The following EYA1 variants were observed in gnomAD, a reference collection of about 807,000 sequenced individuals.
The protein encoded by EYA1 is protein phosphatase EYA1.
Under a neutral mutation model 82.0 loss-of-function variants are expected in EYA1, and 16 were observed. The observed-to-expected ratio is 0.20, with a 90% CI of 0.13 to 0.30. The LOEUF (loss-of-function observed/expected upper bound fraction) is 0.30, where lower values mean the gene tolerates loss of function less well. Among genes scored for constraint, EYA1 ranks in the 10% least tolerant of loss-of-function variants. The probability of loss-of-function intolerance (pLI) is 1.00; values close to 1 mark genes in which losing one functional copy is unlikely to be tolerated. For synonymous variants in EYA1, 261 were observed against 264.4 expected (o/e 0.99, Z 0.12); for missense variants, 633 against 730.7 (o/e 0.87, Z 1.54).
intron 2 of EYA1, among the ~76,000 whole-genome samples, chr8:71,509,832 C>T (rs1016108534): frequency 2.6e-5 from 4 of 151,844 alleles, no homozygotes; most frequent in African/African-American, 4.8e-5. Flanking sequence ...AGCATATTGT[C>T]CTGTCTCTAA....
At chr8:71,403,580 G>C (rs1255062639) in intron 2 of EYA1, 1 of 152,026 alleles carries the variant, frequency 6.6e-6, no homozygotes, top group Non-Finnish European at 1.5e-5. Flanking sequence ...GCACCATTTT[G>C]GTTACTGCAA....
intron 2 of EYA1, among the ~76,000 whole-genome samples, chr8:71,455,368 A>C (rs1359510110): frequency 6.6e-6 from 1 of 152,212 alleles, no homozygotes; most frequent in South Asian, 2.1e-4. Context: ...AAACTATTCC[A>C]ATCAATAGGA....
intron 2 of EYA1, among the ~76,000 whole-genome samples, chr8:71,499,523 T>C (rs1811663547): frequency 6.6e-6 from 1 of 152,094 alleles, no homozygotes; most frequent in African/African-American, 2.4e-5. Flanking sequence ...AGAGCCATTA[T>C]GTTACATGAG....
chr8:71,301,998 T>C (rs1820252698), intron 7 of EYA1, among the ~76,000 whole-genome samples: 2 of 152,122 alleles, frequency 1.3e-5, no homozygotes, highest in African/African-American at 4.8e-5. Flanking sequence ...TGATATTATA[T>C]ATAAAGCAAA....
intron 4 of EYA1, among the ~76,000 whole-genome samples, chr8:71,331,489 T>TTA (rs71264550): frequency 0.37 from 54,628 of 146,676 alleles, 11,222 homozygotes; most frequent in East Asian, 0.85. Context: ...TATAAATGTT[T>TTA]TATATATATA....
At chr8:71,465,793 T>C (rs111547385) in intron 2 of EYA1, among the ~76,000 whole-genome samples, 6 of 152,246 alleles carry the variant, frequency 3.9e-5, no homozygotes, top group African/African-American at 1.4e-4. Flanking sequence ...TATTAAGAAG[T>C]GGGGTATTTG....
chr8:71,244,898 T>C (rs1286343621), intron 11 of EYA1, among the ~76,000 whole-genome samples: 1 of 152,246 alleles, frequency 6.6e-6, no homozygotes, highest in East Asian at 1.9e-4. Context: ...GCCCCAAATG[T>C]TGATGGTGCT....
chr8:71,369,703 T>C (rs536282605), intron 2 of EYA1, among the ~76,000 whole-genome samples: 2 of 152,356 alleles, frequency 1.3e-5, no homozygotes, highest in African/African-American at 4.8e-5. Context: ...TTGGTGAATG[T>C]TATTAAATTA....
chr8:71,449,660 T>G (rs1807195974), intron 2 of EYA1, among the ~76,000 whole-genome samples: 1 of 152,224 alleles, frequency 6.6e-6, no homozygotes, highest in African/African-American at 2.4e-5. Flanking sequence ...TGGATTCAAC[T>G]TAAACTCACT....
At chr8:71,346,045 T>C (rs997398180) in intron 3 of EYA1, among the ~76,000 whole-genome samples, 5 of 151,938 alleles carry the variant, frequency 3.3e-5, no homozygotes, top group Admixed American at 3.3e-4. Flanking sequence ...CTCACTCTTC[T>C]GCCATTCGGA....
intron 2 of EYA1, among the ~76,000 whole-genome samples, chr8:71,493,847 C>A: frequency 1.3e-5 from 2 of 148,562 alleles, no homozygotes; most frequent in South Asian, 4.3e-4. Context: ...AACGGTGAAA[C>A]CCCGTCTCTA....
intron 6 of EYA1, among the ~76,000 whole-genome samples, chr8:71,320,098 C>T (rs1822371138): frequency 6.6e-6 from 1 of 152,146 alleles, no homozygotes; most frequent in Non-Finnish European, 1.5e-5. Flanking sequence ...ATCTTTTGCT[C>T]ATCTCACACT....
intron 2 of EYA1, among the ~76,000 whole-genome samples, chr8:71,522,712 G>A (rs1028135145): frequency 6.6e-6 from 1 of 150,884 alleles, no homozygotes; most frequent in Non-Finnish European, 1.5e-5. Flanking sequence ...TTGACCTCCA[G>A]GGCTCAAGTG....
intron 2 of EYA1, among the ~76,000 whole-genome samples, chr8:71,476,737 A>T (rs1319712773): frequency 6.6e-6 from 1 of 152,106 alleles, no homozygotes; most frequent in Admixed American, 6.6e-5. Flanking sequence ...CTAAAATTCA[A>T]ATGGAAATGC....
At chr8:71,492,470 T>TATTA (rs71555584) in intron 2 of EYA1, among the ~76,000 whole-genome samples, 2 of 136,488 alleles carry the variant, frequency 1.5e-5, no homozygotes, top group East Asian at 2.0e-4. Context: ...TTATTATTAT[T>TATTA]TTTTTTTTTT....
intron 2 of EYA1, among the ~76,000 whole-genome samples, chr8:71,406,028 ACAACT>A (rs1830200051): frequency 6.6e-6 from 1 of 152,188 alleles, no homozygotes; most frequent in Admixed American, 6.5e-5. Flanking sequence ...TACAGGAGAA[ACAACT>A]CAATTTCTTT....
chr8:71,445,913 G>T (rs570465781), intron 2 of EYA1, among the ~76,000 whole-genome samples: 1 of 152,238 alleles, frequency 6.6e-6, no homozygotes, highest in East Asian at 1.9e-4. Context: ...GTCTTACATC[G>T]TAACCTCCTT....
chr8:71,506,513 T>C (rs1410087787), intron 2 of EYA1, among the ~76,000 whole-genome samples: 1 of 152,238 alleles, frequency 6.6e-6, no homozygotes, highest in African/African-American at 2.4e-5. Context: ...CTTAAACCCA[T>C]GTGTGCCAAT....
intron 2 of EYA1, chr8:71,530,822 G>A (rs2129282873): frequency 6.6e-6 from 1 of 152,334 alleles, no homozygotes; most frequent in East Asian, 1.9e-4. Context: ...AAAAGCTGCT[G>A]TTAGCACTTC....
Sources: gnomAD v4.1 joint callset for allele counts (sites outside exome capture counted in the v4.1 genomes callset) on GRCh38, gnomAD v4.1.1 for gene constraint, MANE v1.5 for transcripts, NCBI Gene and HGNC (gene_info 2026-07-23, HGNC 2026-07-21) for gene names.